The following RIMKLA variants were observed in gnomAD, a reference collection of about 807,000 sequenced individuals.
RIMKLA encodes N-acetylaspartylglutamate synthase A.
Under a neutral mutation model 32.7 loss-of-function variants are expected in RIMKLA, and 14 were observed. The ratio of observed to expected loss-of-function variants is 0.43; its 90% confidence interval spans 0.28 to 0.67. The LOEUF is 0.67. Ranked by LOEUF, RIMKLA falls within the 30% of genes least tolerant of loss-of-function variation. The probability of loss-of-function intolerance (pLI) is 0.18; values close to 1 mark genes in which losing one functional copy is unlikely to be tolerated. For synonymous variants in RIMKLA, 176 were observed against 204.1 expected (o/e 0.86, Z 1.18); for missense variants, 410 against 519.0 (o/e 0.79, Z 2.04).
intron 2 of RIMKLA, among the ~76,000 whole-genome samples, chr1:42,403,493 T>C (rs1273234983): frequency 6.6e-6 from 1 of 152,206 alleles, no homozygotes; most frequent in Non-Finnish European, 1.5e-5. Flanking sequence ...TGATATAGTA[T>C]ATATAAGAAC....
intron 1 of RIMKLA, among the ~76,000 whole-genome samples, chr1:42,393,878 G>A (rs560033499): frequency 1.3e-5 from 2 of 152,224 alleles, no homozygotes; most frequent in Admixed American, 6.5e-5. Context: ...TCTGCCTCCC[G>A]GGTTCAAGCA....
At position 42,381,158 on chromosome 1, in the gene RIMKLA, G is replaced by A. The variant is rs1012569152; in HGVS notation, c.163+61G>A. 1.5e-5 allele frequency: 18 copies of A among 1,207,828 alleles called. No homozygotes were observed. The East Asian group carries it at 5.4e-4, about 36-fold the overall frequency. The allele number at this position is 1,207,828 out of a possible 1,614,324, so 74.8% of individuals were successfully genotyped here. A position where few individuals can be genotyped will look rare whatever the true frequency, so the allele number is the denominator to read the frequency against. On this transcript the variant is annotated intron_variant, in intron 1 of 4. Coordinates refer to ENST00000431473, the MANE Select transcript of RIMKLA (RefSeq NM_173642.4). ...CGCCGGGGTCCACGAGAGCCGGTCG[G>A]GTGGGCGCGCTCGCCGGGCCTCCCG...
At chr1:42,413,501 C>CAAAAAAAAAA (rs201462707) in intron 4 of RIMKLA, among the ~76,000 whole-genome samples, 5 of 125,576 alleles carry the variant, frequency 4.0e-5, no homozygotes, top group South Asian at 2.8e-4. Context: ...AAGAGTCTCT[C>CAAAAAAAAAA]AAAAAAAAAA....
At chr1:42,409,487 T>A (rs1233859970) in intron 3 of RIMKLA, among the ~76,000 whole-genome samples, 1 of 152,234 alleles carries the variant, frequency 6.6e-6, no homozygotes, top group Non-Finnish European at 1.5e-5. Context: ...TTTTTTGGGA[T>A]CTCTCTCCAT....
chr1:42,419,798 A>G lies in RIMKLA; in HGVS notation c.*4824A>G, dbSNP rs965796848. The stretch of plus-strand genomic sequence containing the variant: ...AGCCAAGACCATTTAACTCTACCCC[A>G]CACTTTCAGTGGTGGGATGTGAGGA... On this transcript the variant is annotated 3_prime_UTR_variant, in exon 5 of 5. Coordinates refer to ENST00000431473, the MANE Select transcript of RIMKLA (RefSeq NM_173642.4). 3.3e-5 allele frequency: 5 copies of G among 151,906 alleles called. No individual in the cohort carries two copies. Among genetic ancestry groups the G allele is most frequent in the Admixed American group, 2.6e-4 (4 of 15,244 alleles). 9.4% of individuals were successfully genotyped at this position (151,906 alleles called of 1,614,324 possible). A position where few individuals can be genotyped will look rare whatever the true frequency, so the allele number is the denominator to read the frequency against.
In RIMKLA at chr1:42,400,056, A is replaced by G. The variant is rs202056609; in HGVS notation, c.394+422A>G. ...GTTTAGACATTGAGGAAGTCTTCCT[A>G]AAAGAGCTAACATAGAGTTACGCTG... On this transcript the variant is annotated intron_variant, in intron 2 of 4. Transcript: ENST00000431473. Among the ~76,000 whole-genome samples the G allele has an allele frequency of 8.5e-5, 13 of 152,328 alleles. No homozygotes were observed. In the East Asian group the frequency reaches 2.3e-3, roughly 27 times the overall value.
intron 2 of RIMKLA, among the ~76,000 whole-genome samples, chr1:42,400,543 T>C (rs142980523): frequency 1.8e-3 from 271 of 152,344 alleles, no homozygotes; most frequent in African/African-American, 6.2e-3. Flanking sequence ...ACATGATGAT[T>C]GATTTATATG....
At chr1:42,396,447 T>A (rs971441838) in intron 1 of RIMKLA, 6 of 152,144 alleles carry the variant, frequency 3.9e-5, no homozygotes, top group African/African-American at 1.4e-4. Flanking sequence ...AAGGCTTCAG[T>A]TGGAATGAGC....
intron 1 of RIMKLA, among the ~76,000 whole-genome samples, chr1:42,390,775 C>T (rs769438621): frequency 1.3e-5 from 2 of 152,086 alleles, no homozygotes; most frequent in Non-Finnish European, 2.9e-5. Flanking sequence ...ATTAAGGGTG[C>T]CCATGAGACA....
chr1:42,401,925 G>A (rs953781473), intron 2 of RIMKLA, among the ~76,000 whole-genome samples: 13 of 152,168 alleles, frequency 8.5e-5, no homozygotes, highest in East Asian at 7.7e-4. Context: ...GAGAAAGGGC[G>A]TCTAAAGCAC....
At chr1:42,396,320 A>G (rs893390074) in intron 1 of RIMKLA, 1 of 152,288 alleles carries the variant, frequency 6.6e-6, no homozygotes, top group African/African-American at 2.4e-5. Context: ...CTGCATCCCT[A>G]AACCTGTCAT....
At position 42,414,732 on chromosome 1, in the gene RIMKLA, G is replaced by A. The variant is rs984045903; in HGVS notation, c.934G>A (p.Ala312Thr). ...GCCAAATAGGCAGACTGGAAAGATG[G>A]CTGTCCTCCCAGGACTGTCGAGTCC... The part of the protein sequence containing the change: ...LLPNRQTGKM[A>T]VLPGLSSPRE... Residue 312 changes from alanine to threonine, a missense_variant, in exon 5 of 5, where the codon GCT becomes ACT. By Grantham distance (58) the Ala-to-Thr change is moderately conservative (BLOSUM62 0). Coordinates refer to ENST00000431473, the MANE Select transcript of RIMKLA (RefSeq NM_173642.4). 3.7e-6 allele frequency: 6 copies of A among 1,614,102 alleles called. No individual in the cohort carries two copies. In the African/African-American group the frequency reaches 6.7e-5, roughly 18 times the overall value.
chr1:42,416,687 T>A lies in RIMKLA; in HGVS notation c.*1713T>A, dbSNP rs1643251554. The A allele has an allele frequency of 6.6e-6, 1 of 152,254 alleles. No homozygotes were observed. The highest frequency in any genetic ancestry group is 1.5e-5 in the Non-Finnish European group (1 of 68,034). 9.4% of individuals were successfully genotyped at this position (152,254 alleles called of 1,614,324 possible). On this transcript the variant is annotated 3_prime_UTR_variant, in exon 5 of 5. Coordinates refer to ENST00000431473, the MANE Select transcript of RIMKLA (RefSeq NM_173642.4). Reference sequence around the variant, plus strand: ...TCAAAGGCAACACTACCCATTCGGGTGCAGAAATTACCGTACTTACTCTGC... The same window carrying A: ...TCAAAGGCAACACTACCCATTCGGGAGCAGAAATTACCGTACTTACTCTGC...
intron 1 of RIMKLA, among the ~76,000 whole-genome samples, chr1:42,389,686 C>T (rs1402229891): frequency 1.3e-5 from 2 of 151,894 alleles, no homozygotes; most frequent in African/African-American, 4.8e-5. Context: ...TGGTGGTGCG[C>T]GCCCATAATC....
intron 1 of RIMKLA, among the ~76,000 whole-genome samples, chr1:42,387,382 G>A (rs1642959656): frequency 6.9e-6 from 1 of 144,694 alleles, no homozygotes; most frequent in Non-Finnish European, 1.5e-5. Flanking sequence ...GGGCAATAGA[G>A]CGAGACCCTG....
Position 42,380,812 on chromosome 1 carries a change from C to A in RIMKLA, c.-123C>A. 1 of 434,894 alleles carries A rather than the reference C, an allele frequency of 2.3e-6. No individual in the cohort carries two copies. 26.9% of individuals were successfully genotyped at this position (434,894 alleles called of 1,614,324 possible). On this transcript the variant is annotated 5_prime_UTR_variant, in exon 1 of 5. Transcript: ENST00000431473. ...GGGCTGCAGAGACGCCTGGCGCACC[C>A]GCGGGAGCGGAGCCGTGGCGCGCTC...
chr1:42,381,090 C>G lies in RIMKLA; in HGVS notation c.156C>G (p.Gly52=). Reference sequence around the variant, plus strand: ...AGATCGCCGTCACCATCGTCGGCGGCCACCTCGGTGAGCGAGGCGGGCCCG... The same window carrying G: ...AGATCGCCGTCACCATCGTCGGCGGGCACCTCGGTGAGCGAGGCGGGCCCG... ...MDQIAVTIVG[G]HLGLQLNQKA... is the part of the protein sequence containing the mutation. The change falls in exon 1 of 5, where the codon GGC becomes GGG. Residue 52 remains glycine, a synonymous_variant. Coordinates refer to ENST00000431473, the MANE Select transcript of RIMKLA (RefSeq NM_173642.4). 8.0e-7 allele frequency: 1 copy of G among 1,257,346 alleles called. No homozygotes were observed. The highest frequency in any genetic ancestry group is 1.0e-6 in the Non-Finnish European group (1 of 997,548). 77.9% of individuals were successfully genotyped at this position (1,257,346 alleles called of 1,614,324 possible). A position where few individuals can be genotyped will look rare whatever the true frequency, so the allele number is the denominator to read the frequency against.
At position 42,423,289 on chromosome 1, in the gene RIMKLA, T is replaced by A. The variant is rs1427181093; in HGVS notation, c.*8315T>A. ...CCCAAACACTGGGGAATGTGGCCTA[T>A]GTTTCTTTCTTCTTCTCTTACATGA... On this transcript the variant is annotated 3_prime_UTR_variant, in exon 5 of 5. Coordinates refer to ENST00000431473, the MANE Select transcript of RIMKLA (RefSeq NM_173642.4). 6.6e-6 allele frequency among the ~76,000 whole-genome samples: 1 copy of A among 152,210 alleles called. No homozygotes were observed. Among genetic ancestry groups the A allele is most frequent in the Non-Finnish European group, 1.5e-5 (1 of 68,038 alleles).
At chr1:42,400,849 G>C (rs541142638) in intron 2 of RIMKLA, among the ~76,000 whole-genome samples, 1 of 152,156 alleles carries the variant, frequency 6.6e-6, no homozygotes, top group Non-Finnish European at 1.5e-5. Flanking sequence ...TGAAGTCCGA[G>C]GAATGGATGA....
Sources: gnomAD v4.1 joint callset for allele counts (sites outside exome capture counted in the v4.1 genomes callset) on GRCh38, gnomAD v4.1.1 for gene constraint, MANE v1.5 for transcripts, NCBI Gene and HGNC (gene_info 2026-07-23, HGNC 2026-07-21) for gene names.